The following ANKRD28 variants were observed in gnomAD, a reference collection of about 807,000 sequenced individuals.
ANKRD28 encodes the protein serine/threonine-protein phosphatase 6 regulatory ankyrin repeat subunit A.
In ANKRD28, 44 loss-of-function variants were observed where a neutral mutation model predicts 126.5. The ratio of observed to expected loss-of-function variants is 0.35; its 90% CI spans 0.27 to 0.45. The LOEUF is 0.45. Ranked by LOEUF, ANKRD28 falls within the 20% of genes least tolerant of loss-of-function variation. The pLI is 1.00. For synonymous variants in ANKRD28, 442 were observed against 468.5 expected (o/e 0.94, Z 0.73); for missense variants, 1,110 against 1,316.6 (o/e 0.84, Z 2.43).
At chr3:15,791,338 G>A (rs2060014695) in intron 2 of ANKRD28, among the ~76,000 whole-genome samples, 1 of 151,348 alleles carries the variant, frequency 6.6e-6, no homozygotes, top group South Asian at 2.1e-4. Flanking sequence ...CAAAACTGGT[G>A]GAATCCCATT....
rs1474582856 is a variant in ANKRD28 at position 15,830,480 on chromosome 3, C to T, written c.27+28897G>A. On this transcript the variant is annotated intron_variant, in intron 1 of 27. Transcript: ENST00000399451. This position sits in a 1 kb window ranked among gnomAD's most constrained non-coding sequence, Gnocchi z 4.5. Reference sequence around the variant, plus strand: ...GGACTGCCAATCCTATTTTGAATTGCACATCTGAGGGATCTAGGTTATGTG... The same window carrying T: ...GGACTGCCAATCCTATTTTGAATTGTACATCTGAGGGATCTAGGTTATGTG... 6.6e-6 allele frequency among the ~76,000 whole-genome samples: 1 copy of T among 152,104 alleles called. No individual in the cohort carries two copies. The highest frequency in any genetic ancestry group is 1.5e-5 in the Non-Finnish European group (1 of 68,026).
Position 15,797,648 on chromosome 3 carries a change from C to G in ANKRD28, c.-1127G>C, listed in dbSNP as rs2060338542. On this transcript the variant is annotated 5_prime_UTR_variant, in exon 1 of 28. Coordinates refer to ENST00000683139, the MANE Select transcript of ANKRD28 (RefSeq NM_001349278.2). ...ATGAATACAGCTTCCATTAAACAGT[C>G]TTCATTCAGAGAAAAAAATAGCAGA... 1.0e-6 allele frequency: 1 copy of G among 985,282 alleles called. No homozygotes were observed. The highest frequency in any genetic ancestry group is 1.2e-6 in the Non-Finnish European group (1 of 829,908). 61.0% of individuals were successfully genotyped at this position (985,282 alleles called of 1,614,324 possible).
chr3:15,850,224 T>TATATATAGAGAGAGAGAGAG (rs1418223588), intron 1 of ANKRD28, among the ~76,000 whole-genome samples: 9 of 35,112 alleles, frequency 2.6e-4, no homozygotes, highest in Admixed American at 9.7e-4. Flanking sequence ...TATATATATA[T>TATATATAGAGAGAGAGAGAG]AGAGAGAGAG....
In ANKRD28 at chr3:15,854,840, C is replaced by T. The variant is rs974305785; in HGVS notation, c.27+4537G>A. On this transcript the variant is annotated intron_variant, in intron 1 of 27. Transcript: ENST00000399451. The surrounding 1 kb of genome is among the most constrained non-coding windows in gnomAD (Gnocchi z 4.1). ...CCAAGGTGGGTGGATCACAAGGTCA[C>T]GAGATTGAGACTATCCTGGCCAACA... Among the ~76,000 whole-genome samples the T allele has an allele frequency of 1.3e-5, 2 of 151,992 alleles. No homozygotes were observed. The highest frequency in any genetic ancestry group is 2.4e-5 in the African/African-American group (1 of 41,386).
rs371520293 is a variant in ANKRD28 at position 15,737,127 on chromosome 3, G to A, written c.458C>T (p.Ala153Val). 15 of 1,613,834 alleles carry A rather than the reference G, an allele frequency of 9.3e-6. No homozygotes were observed. The highest frequency in any genetic ancestry group is 1.3e-5 in the Non-Finnish European group (15 of 1,179,886). The part of the protein sequence containing the change: ...IAAANKAVKC[A>V]EALVPLLSNV... Reference sequence around the variant, plus strand: ...ACTCAGAAGAGGTACCAAAGCTTCAGCACACTTTACAGCTTTATTAGCAGC... The same window carrying A: ...ACTCAGAAGAGGTACCAAAGCTTCAACACACTTTACAGCTTTATTAGCAGC... The change falls in exon 5 of 28, where the codon GCT becomes GTT. Residue 153 changes from alanine to valine, a missense_variant. Coordinates refer to ENST00000683139, the MANE Select transcript of ANKRD28 (RefSeq NM_001349278.2).
Position 15,744,736 on chromosome 3 carries a change from G to T in ANKRD28, c.351+7014C>A, listed in dbSNP as rs1348103990. Reference sequence around the variant, plus strand: ...TGTACCAGTATCTTTTTCTTATAATGACCTCTTTTTCTCTGGATTGATATC... The same window carrying T: ...TGTACCAGTATCTTTTTCTTATAATTACCTCTTTTTCTCTGGATTGATATC... On this transcript the variant is annotated intron_variant, in intron 4 of 27. Transcript: ENST00000683139. 2.6e-5 allele frequency among the ~76,000 whole-genome samples: 4 copies of T among 151,988 alleles called. No individual in the cohort carries two copies. The East Asian group carries it at 7.7e-4, about 29-fold the overall frequency.
intron 2 of ANKRD28, among the ~76,000 whole-genome samples, chr3:15,768,611 C>G (rs2058854957): frequency 6.6e-6 from 1 of 151,906 alleles, no homozygotes; most frequent in African/African-American, 2.4e-5. Flanking sequence ...ATGACCATGC[C>G]ATTGCACTCC....
intron 3 of ANKRD28, 39 bp from the exon 4 acceptor site, chr3:15,751,859 A>G (rs2057880727): frequency 7.6e-7 from 1 of 1,316,838 alleles, no homozygotes; most frequent in South Asian, 1.4e-5. Context: ...AATATTGTAC[A>G]TAAAATATTT....
intron 8 of ANKRD28, among the ~76,000 whole-genome samples, chr3:15,717,543 T>A (rs2470516): frequency 6.7e-6 from 1 of 150,374 alleles, no homozygotes. Context: ...AAAAGAAAAA[T>A]AACAAAAACC....
intron 7 of ANKRD28, among the ~76,000 whole-genome samples, chr3:15,722,945 C>CA (rs760658004): frequency 3.4e-4 from 51 of 151,502 alleles, no homozygotes; most frequent in Admixed American, 5.3e-4. Flanking sequence ...AAACAAAAAA[C>CA]AAAAAAACAC....
upstream of ANKRD28, among the ~76,000 whole-genome samples, chr3:15,800,030 T>C (rs747773806): frequency 1.8e-4 from 27 of 152,018 alleles, no homozygotes; most frequent in Non-Finnish European, 3.5e-4. Flanking sequence ...AAGTGAACAA[T>C]TAAAATTTCA....
chr3:15,750,604 G>C (rs2057797362), intron 4 of ANKRD28, among the ~76,000 whole-genome samples: 1 of 152,168 alleles, frequency 6.6e-6, no homozygotes, highest in African/African-American at 2.4e-5. Flanking sequence ...GATTGCCTCT[G>C]TTAATTACAG....
Position 15,690,229 on chromosome 3 carries a change from A to G in ANKRD28, c.1762-9T>C. 1 of 1,554,354 alleles carries G rather than the reference A, an allele frequency of 6.4e-7. No individual in the cohort carries two copies. Among genetic ancestry groups the G allele is most frequent in the Non-Finnish European group, 8.7e-7 (1 of 1,150,314 alleles). Reference sequence around the variant, plus strand: ...TGGTGACCATGATAGGCCTAGAAATAAATAAAAATGTAAATTTAAAACATA... The same window carrying G: ...TGGTGACCATGATAGGCCTAGAAATGAATAAAAATGTAAATTTAAAACATA... On this transcript the variant is annotated splice_polypyrimidine_tract_variant and intron_variant, in intron 17 of 27. Coordinates refer to ENST00000683139, the MANE Select transcript of ANKRD28 (RefSeq NM_001349278.2).
At chr3:15,735,131 G>C (rs961223435) in intron 6 of ANKRD28, among the ~76,000 whole-genome samples, 3 of 152,088 alleles carry the variant, frequency 2.0e-5, no homozygotes, top group Non-Finnish European at 4.4e-5. Flanking sequence ...ATGGGCTTTA[G>C]TAAACATCAA....
At chr3:15,852,519 G>A (rs1178464903) in intron 1 of ANKRD28, among the ~76,000 whole-genome samples, 1 of 152,082 alleles carries the variant, frequency 6.6e-6, no homozygotes, top group Non-Finnish European at 1.5e-5. Flanking sequence ...AAATCTAGAC[G>A]AGTAAACCCT....
intron 11 of ANKRD28, 95 bp from the exon 12 acceptor site, chr3:15,711,369 A>C: frequency 2.0e-6 from 2 of 1,024,682 alleles, no homozygotes; most frequent in Non-Finnish European, 3.0e-6. Flanking sequence ...CTCCCCTCCA[A>C]TCCCAAACAA....
intron 1 of ANKRD28, among the ~76,000 whole-genome samples, chr3:15,857,711 A>G (rs898744194): frequency 6.6e-6 from 1 of 152,264 alleles, no homozygotes; most frequent in African/African-American, 2.4e-5. Context: ...TTTGCTTAAC[A>G]CAATCCTGAA....
Position 15,765,847 on chromosome 3 carries a change from CAAA to C in ANKRD28, c.280+384_280+386del, listed in dbSNP as rs202083902. 8.0e-4 allele frequency among the ~76,000 whole-genome samples: 106 copies of C among 133,044 alleles called. 1 individual carries two copies. Among genetic ancestry groups the C allele is most frequent in the East Asian group, 1.3e-3 (6 of 4,776 alleles). 87.3% of individuals were successfully genotyped at this position (133,044 alleles called of 152,430 possible). A position where few individuals can be genotyped will look rare whatever the true frequency, so the allele number is the denominator to read the frequency against. On this transcript the variant is annotated intron_variant, in intron 3 of 27. Coordinates refer to ENST00000683139, the MANE Select transcript of ANKRD28 (RefSeq NM_001349278.2). Reference sequence around the variant, plus strand: ...AGACTCCATCTCAAAAACCAAAAACCAAAAAAAAAAAAAAAAACCAACCAAAAA... The same window carrying C: ...AGACTCCATCTCAAAAACCAAAAACCAAAAAAAAAAAAAACCAACCAAAAA...
chr3:15,780,401 T>C lies in ANKRD28; in HGVS notation c.202-14089A>G, dbSNP rs7644958. 3.6e-3 allele frequency among the ~76,000 whole-genome samples: 550 copies of C among 152,174 alleles called. 7 individuals are homozygous for C. Among genetic ancestry groups the C allele is most frequent in the African/African-American group, 0.013 (523 of 41,550 alleles). On this transcript the variant is annotated intron_variant, in intron 2 of 27. Coordinates refer to ENST00000683139, the MANE Select transcript of ANKRD28 (RefSeq NM_001349278.2). The stretch of plus-strand genomic sequence containing the variant: ...CTGTATACTAAAAACTATAAAACAT[T>C]AATGAAAACAAATTGAAGAAAACAC...
Sources: gnomAD v4.1 joint callset for allele counts (sites outside exome capture counted in the v4.1 genomes callset) on GRCh38, gnomAD v4.1.1 for gene constraint, Gnocchi (gnomAD v3.1) non-coding constraint, MANE v1.5 for transcripts, NCBI Gene and HGNC (gene_info 2026-07-23, HGNC 2026-07-21) for gene names.